C2: variants seen among roughly 807,000 people sequenced by gnomAD.
C2 encodes the protein C3/C5 convertase.
In C2, 64 loss-of-function variants were observed where a neutral mutation model predicts 85.2. The ratio of observed to expected loss-of-function variants is 0.75; its 90% CI spans 0.61 to 0.92. The LOEUF (loss-of-function observed/expected upper bound fraction) is 0.92, where lower values mean the gene tolerates loss of function less well. Ranked by LOEUF, C2 falls within the 40% of genes least tolerant of loss-of-function variation. The pLI is 0.00. For missense variants in C2, 820 were observed against 971.6 expected (o/e 0.84, Z 2.07); for synonymous variants, 311 against 370.8 (o/e 0.84, Z 1.85).
In C2 at chr6:31,944,184, G is replaced by A. The variant is rs1771158215; in HGVS notation, c.1860G>A (p.Leu620=). The A allele has an allele frequency of 1.2e-6, 2 of 1,612,862 alleles. No individual in the cohort carries two copies. The highest frequency in any genetic ancestry group is 1.7e-6 in the Non-Finnish European group (2 of 1,179,860). ...GTGTTCCTGCTCATTTTGTCGCCTT[G>A]AATGGGAGCAAACTGAACATTAACC... is the stretch of plus-strand genomic sequence containing the variant. The part of the protein sequence containing the change: ...KQSVPAHFVA[L]NGSKLNINLK... Residue 620 remains leucine (L), a synonymous_variant, in exon 15 of 18, where the codon TTG becomes TTA. Transcript: ENST00000299367. The surrounding 1 kb of genome is among the most constrained non-coding windows in gnomAD (Gnocchi z 5.1).
At chr6:31,932,981 C>T (rs920028693) in intron 3 of C2, among the ~76,000 whole-genome samples, 5 of 152,240 alleles carry the variant, frequency 3.3e-5, no homozygotes, top group Non-Finnish European at 7.3e-5. Context: ...TCAGGCGTGG[C>T]GGCGCGCGCC....
chr6:31,943,378 C>T lies in C2; in HGVS notation c.1456-38C>T. The T allele has an allele frequency of 1.2e-6, 2 of 1,607,900 alleles. No individual in the cohort carries two copies. The highest frequency in any genetic ancestry group is 1.7e-6 in the Non-Finnish European group (2 of 1,175,268). On this transcript the variant is annotated intron_variant, in intron 11 of 17. Coordinates refer to ENST00000299367, the MANE Select transcript of C2 (RefSeq NM_000063.6). The surrounding 1 kb of genome is among the most constrained non-coding windows in gnomAD (Gnocchi z 6.4). Reference sequence around the variant, plus strand: ...GAGGTAAAAGCGGCCATGGGCCAGACATACTGCAATCTCTGAAAATCACCT... The same window carrying T: ...GAGGTAAAAGCGGCCATGGGCCAGATATACTGCAATCTCTGAAAATCACCT...
At chr6:31,942,811 G>A in intron 9 of C2, 148 bp from the exon 10 acceptor site, 1 of 893,498 alleles carries the variant, frequency 1.1e-6, no homozygotes, top group African/African-American at 1.6e-5. Flanking sequence ...GGCAGGAAAT[G>A]AAGGCAGACA....
intron 3 of C2, among the ~76,000 whole-genome samples, chr6:31,930,174 C>T (rs770673324): frequency 9.8e-4 from 148 of 151,692 alleles, no homozygotes; most frequent in Middle Eastern, 3.4e-3. Context: ...ATCTGCCTCC[C>T]GGGTTCAAGT....
chr6:31,909,558 T>G (rs1483155287), intron 1 of C2, among the ~76,000 whole-genome samples: 1 of 151,862 alleles, frequency 6.6e-6, no homozygotes, highest in African/African-American at 2.4e-5. Flanking sequence ...CCCAAATTGT[T>G]GAGATTATAG....
In C2 at chr6:31,935,903, C is replaced by T. The variant is rs1340984240; in HGVS notation, c.850-20C>T. 2.5e-6 allele frequency: 4 copies of T among 1,612,620 alleles called. No homozygotes were observed. The highest frequency in any genetic ancestry group is 1.3e-5 in the African/African-American group (1 of 74,886). On this transcript the variant is annotated intron_variant, in intron 6 of 17. Coordinates refer to ENST00000299367, the MANE Select transcript of C2 (RefSeq NM_000063.6). The surrounding 1 kb of genome is among the most constrained non-coding windows in gnomAD (Gnocchi z 4.3). ...TTGGCTTCAGGGCCCTTTACGCTGC[C>T]TCTCACTTGCCCCGCACAGATCTTC...
Position 31,933,769 on chromosome 6 carries a change from A to C in C2, c.602A>C (p.Glu201Ala). The C allele has an allele frequency of 6.2e-7, 1 of 1,613,782 alleles. No individual in the cohort carries two copies. Among genetic ancestry groups the C allele is most frequent in the Non-Finnish European group, 8.5e-7 (1 of 1,180,028 alleles). ...GGCAACGGGGTCTGGAGTGGAACGG[A>C]GCCCATCTGCCGCCGTGAGTAGCTG... is the stretch of plus-strand genomic sequence containing the variant. ...CQGNGVWSGT[E>A]PICRQPYSYD... is the part of the protein sequence containing the mutation. The change falls in exon 4 of 18, where the codon GAG becomes GCG. Residue 201 changes from glutamate (E) to alanine (A), a missense_variant. By Grantham distance (107) the Glu-to-Ala change is moderately radical. Transcript: ENST00000299367.
chr6:31,906,020 C>T (rs117731735), intron 1 of C2, among the ~76,000 whole-genome samples: 1 of 152,114 alleles, frequency 6.6e-6, no homozygotes, highest in East Asian at 1.9e-4. Flanking sequence ...ACTAGAATAA[C>T]CATATTTCCT....
upstream of C2, among the ~76,000 whole-genome samples, chr6:31,918,360 G>A (rs1768705506): frequency 6.6e-6 from 1 of 152,124 alleles, no homozygotes; most frequent in South Asian, 2.1e-4. Flanking sequence ...ACTGAGGCAG[G>A]AGGATCACTT....
intron 6 of C2, chr6:31,934,592 G>A (rs1205159799): frequency 2.8e-6 from 4 of 1,429,508 alleles, no homozygotes; most frequent in Non-Finnish European, 3.6e-6. Flanking sequence ...GAAAGGTAGT[G>A]AGATAACCCA....
chr6:31,900,799 TGG>T, upstream of C2: 1 of 887,216 alleles, frequency 1.1e-6, no homozygotes, highest in Non-Finnish European at 1.6e-6. The surrounding 1 kb of genome is among the most constrained non-coding windows in gnomAD (Gnocchi z 9.7). Context: ...GTAGAGGAGG[TGG>T]GGGTGGGGGC....
At chr6:31,898,386 G>A (rs1225680276), upstream of C2, among the ~76,000 whole-genome samples, 1 of 152,184 alleles carries the variant, frequency 6.6e-6, no homozygotes, top group Non-Finnish European at 1.5e-5. Context: ...TCATAGCCCA[G>A]CGGACAATTT....
intron 9 of C2, chr6:31,941,200 C>G (rs967463907): frequency 6.6e-6 from 1 of 152,228 alleles, no homozygotes; most frequent in Non-Finnish European, 1.5e-5. Context: ...TACCACAAAC[C>G]TGGGTGGCTT....
At chr6:31,903,101 C>T (rs1199373905) in intron 1 of C2, among the ~76,000 whole-genome samples, 1 of 152,060 alleles carries the variant, frequency 6.6e-6, no homozygotes, top group Non-Finnish European at 1.5e-5. Flanking sequence ...TGGTGCCTTC[C>T]CTTCCACTTC....
chr6:31,905,876 A>C (rs1257272744), intron 1 of C2, among the ~76,000 whole-genome samples: 1 of 152,052 alleles, frequency 6.6e-6, no homozygotes, highest in African/African-American at 2.4e-5. Context: ...AGCTTAGAGC[A>C]CTACCCTTGG....
At chr6:31,898,678 G>T (rs190606683), upstream of C2, among the ~76,000 whole-genome samples, 144 of 140,896 alleles carry the variant, frequency 1.0e-3, 1 homozygote, top group Non-Finnish European at 2.4e-4. Flanking sequence ...CTGAAGACAT[G>T]ACCTATTTAC....
upstream of C2, among the ~76,000 whole-genome samples, chr6:31,925,563 G>C (rs1769212273): frequency 6.6e-6 from 1 of 152,180 alleles, no homozygotes; most frequent in African/African-American, 2.4e-5. Context: ...AAAGTGCTGG[G>C]ATTACAGGTG....
intron 1 of C2, among the ~76,000 whole-genome samples, chr6:31,914,763 A>T (rs957983894): frequency 4.6e-5 from 7 of 151,444 alleles, no homozygotes; most frequent in African/African-American, 1.7e-4. Flanking sequence ...ATACAAAAAA[A>T]TTAGCCAGGC....
At chr6:31,913,893 C>G (rs1408240424) in intron 1 of C2, among the ~76,000 whole-genome samples, 1 of 151,782 alleles carries the variant, frequency 6.6e-6, no homozygotes, top group Non-Finnish European at 1.5e-5. Flanking sequence ...CCGCCTTGGC[C>G]TCCAGAAGTG....
Sources: allele counts gnomAD v4.1 joint callset (sites outside exome capture counted in the v4.1 genomes callset), GRCh38; gene constraint gnomAD v4.1.1; non-coding constraint Gnocchi (gnomAD v3.1); transcripts MANE v1.5; gene names NCBI Gene and HGNC (gene_info 2026-07-23, HGNC 2026-07-21).